WWC1: variants seen among roughly 807,000 people sequenced by gnomAD.
WWC1 encodes WW and C2 domain containing 1, also known as protein KIBRA.
A neutral mutation model predicts 138.4 loss-of-function variants in WWC1; 55 were observed. The observed-to-expected ratio is 0.40, with a 90% confidence interval of 0.32 to 0.50. The LOEUF is 0.50. Among genes scored for constraint, WWC1 ranks in the 20% least tolerant of loss-of-function variants. The pLI is 0.72. For synonymous variants in WWC1, 524 were observed against 564.9 expected (o/e 0.93, Z 1.03); for missense variants, 1,226 against 1,420.4 (o/e 0.86, Z 2.20).
intron 5 of WWC1, among the ~76,000 whole-genome samples, chr5:168,403,899 C>CACAA: frequency 6.6e-6 from 1 of 151,134 alleles, no homozygotes. Flanking sequence ...CACACACACA[C>CACAA]ACACACACAC....
At chr5:168,403,118 G>T (rs577635534) in intron 5 of WWC1, among the ~76,000 whole-genome samples, 3 of 124,224 alleles carry the variant, frequency 2.4e-5, no homozygotes, top group Non-Finnish European at 1.6e-5. Flanking sequence ...CTTTTCTTTC[G>T]ACAGAGTCTT....
intron 1 of WWC1, among the ~76,000 whole-genome samples, chr5:168,308,167 G>C (rs1770752684): frequency 6.6e-6 from 1 of 152,184 alleles, no homozygotes; most frequent in African/African-American, 2.4e-5. Context: ...CCGTGCATGG[G>C]TTACCTTCCA....
intron 1 of WWC1, among the ~76,000 whole-genome samples, chr5:168,309,609 A>G (rs1030629097): frequency 6.6e-6 from 1 of 151,916 alleles, no homozygotes; most frequent in Non-Finnish European, 1.5e-5. Context: ...CTGACACCTC[A>G]TTCCTTTTCT....
chr5:168,296,558 A>G (rs753721680), intron 1 of WWC1, among the ~76,000 whole-genome samples: 1 of 152,214 alleles, frequency 6.6e-6, no homozygotes, highest in African/African-American at 2.4e-5. Flanking sequence ...TGCCATAGAT[A>G]AGCTTGGAAA....
At position 168,292,909 on chromosome 5, in the gene WWC1, G is replaced by C. The variant is rs980523991; in HGVS notation, c.119+638G>C. On this transcript the variant is annotated intron_variant, in intron 1 of 22. Coordinates refer to ENST00000265293, the MANE Select transcript of WWC1 (RefSeq NM_015238.3). The surrounding 1 kb of genome is among the most constrained non-coding windows in gnomAD (Gnocchi z 4.4). ...CGGGGGAGGGCAGATGAGGGAGACT[G>C]GTTATCCAGGAATCTGGCAGCAACT... Among the ~76,000 whole-genome samples the C allele has an allele frequency of 2.0e-5, 3 of 152,178 alleles. No individual in the cohort carries two copies. Among genetic ancestry groups the C allele is most frequent in the Non-Finnish European group, 4.4e-5 (3 of 68,018 alleles).
intron 14 of WWC1, among the ~76,000 whole-genome samples, chr5:168,431,008 A>G (rs1202192301): frequency 6.6e-6 from 1 of 152,216 alleles, no homozygotes; most frequent in African/African-American, 2.4e-5. Context: ...GTACTCATGC[A>G]GGGGCATCTG....
At chr5:168,410,355 A>G (rs1179892275) in intron 8 of WWC1, among the ~76,000 whole-genome samples, 2 of 152,192 alleles carry the variant, frequency 1.3e-5, no homozygotes, top group African/African-American at 4.8e-5. Context: ...AACAGGCTAA[A>G]AAGATTATGG....
At chr5:168,365,399 G>A (rs1776209535) in intron 1 of WWC1, among the ~76,000 whole-genome samples, 1 of 152,160 alleles carries the variant, frequency 6.6e-6, no homozygotes, top group South Asian at 2.1e-4. Flanking sequence ...GGTTACTGTG[G>A]GAAGCTGGGA....
Position 168,469,226 on chromosome 5 carries a change from G to A in WWC1, c.*209G>A. On this transcript the variant is annotated 3_prime_UTR_variant, in exon 23 of 23. Transcript: ENST00000265293. ...CAAAACACACACACACACAAAAACA[G>A]AAACAAAAAAAACCAGCATTAAAAT... is the stretch of plus-strand genomic sequence containing the variant. The A allele has an allele frequency of 3.1e-5, 17 of 543,134 alleles. No individual in the cohort carries two copies. The highest frequency in any genetic ancestry group is 1.3e-4 in the African/African-American group (7 of 53,174). The allele number at this position is 543,134 out of a possible 1,614,324, so 33.6% of individuals were successfully genotyped here.
In WWC1 at chr5:168,399,564, A is replaced by G; in HGVS notation, c.587A>G (p.Lys196Arg). The G allele has an allele frequency of 6.2e-7, 1 of 1,614,086 alleles. No homozygotes were observed. The highest frequency in any genetic ancestry group is 8.5e-7 in the Non-Finnish European group (1 of 1,180,016). Residue 196 changes from lysine to arginine, a missense_variant, in exon 5 of 23, where the codon AAG becomes AGG. Transcript: ENST00000265293. ...QFKERGFQTL[K>R]KIDKKMSDAQ... ...AAAGAGCGTGGCTTTCAGACCCTGAAGAAGTAAGTACACCCTGCATCCCAG... is the reference window on the plus strand; with the variant it reads ...AAAGAGCGTGGCTTTCAGACCCTGAGGAAGTAAGTACACCCTGCATCCCAG...
At chr5:168,367,979 C>T (rs1056607855) in intron 1 of WWC1, among the ~76,000 whole-genome samples, 1 of 151,910 alleles carries the variant, frequency 6.6e-6, no homozygotes, top group African/African-American at 2.4e-5. Context: ...TCTCTTCAGG[C>T]AAAATGTCAT....
intron 9 of WWC1, among the ~76,000 whole-genome samples, chr5:168,419,289 G>A (rs546639416): frequency 1.5e-4 from 23 of 152,310 alleles, no homozygotes; most frequent in African/African-American, 5.5e-4. Flanking sequence ...GAGGCCAACA[G>A]TGGAACACAT....
chr5:168,444,748 G>C (rs1019638001), intron 17 of WWC1, among the ~76,000 whole-genome samples, 163 bp downstream of exon 17: 1 of 151,994 alleles, frequency 6.6e-6, no homozygotes, highest in Non-Finnish European at 1.5e-5. Context: ...ATGTAACCTA[G>C]TACGATGGTT....
At chr5:168,379,800 A>G (rs1777479856) in intron 2 of WWC1, among the ~76,000 whole-genome samples, 1 of 152,048 alleles carries the variant, frequency 6.6e-6, no homozygotes, top group Non-Finnish European at 1.5e-5. Context: ...ATCCATATGG[A>G]AAAAAAATAG....
chr5:168,324,146 T>A (rs1772342325), intron 1 of WWC1, among the ~76,000 whole-genome samples: 2 of 152,136 alleles, frequency 1.3e-5, no homozygotes, highest in African/African-American at 4.8e-5. Flanking sequence ...TTAAAGGAAA[T>A]TTTTCAGGGC....
At chr5:168,420,164 G>C (rs1780975542) in intron 9 of WWC1, among the ~76,000 whole-genome samples, 1 of 152,098 alleles carries the variant, frequency 6.6e-6, no homozygotes, top group South Asian at 2.1e-4. Flanking sequence ...AGTCTACTAG[G>C]GCTGCCATAA....
At chr5:168,403,008 T>TC (rs1561711911) in intron 5 of WWC1, among the ~76,000 whole-genome samples, 1 of 38,128 alleles carries the variant, frequency 2.6e-5, no homozygotes, top group African/African-American at 9.8e-5. Context: ...TTGTTTCTTT[T>TC]TCTTTCTTTC....
chr5:168,446,546 C>T (rs563867219), intron 17 of WWC1, among the ~76,000 whole-genome samples: 1 of 152,274 alleles, frequency 6.6e-6, no homozygotes, highest in East Asian at 1.9e-4. Context: ...GAAAATTCAC[C>T]TAAGCATAGA....
At chr5:168,416,054 C>T (rs115614659) in intron 9 of WWC1, 5 of 152,064 alleles carry the variant, frequency 3.3e-5, no homozygotes, top group African/African-American at 1.2e-4. Flanking sequence ...CTCTAAGGCA[C>T]CCAGCTTGCA....
Sources: allele counts gnomAD v4.1 joint callset (sites outside exome capture counted in the v4.1 genomes callset), GRCh38; gene constraint gnomAD v4.1.1; non-coding constraint Gnocchi (gnomAD v3.1); transcripts MANE v1.5; gene names NCBI Gene and HGNC (gene_info 2026-07-23, HGNC 2026-07-21).